The following RGS8 variants were observed in gnomAD, a reference collection of about 807,000 sequenced individuals.
RGS8 encodes regulator of G-protein signaling 8.
A neutral mutation model predicts 21.7 loss-of-function variants in RGS8; 8 were observed. The ratio of observed to expected loss-of-function variants is 0.37; its 90% CI spans 0.22 to 0.66. RGS8 has a LOEUF of 0.66. RGS8 is among the 30% of genes least tolerant of loss of function. RGS8 has a pLI of 0.59. For synonymous variants in RGS8, 80 were observed against 83.6 expected, an observed-to-expected ratio of 0.96 and a Z score of 0.24; for missense variants, 157 against 217.9, an observed-to-expected ratio of 0.72 and a Z score of 1.76.
chr1:182,671,839 C>T, intron 1 of RGS8, 109 bp from the exon 3 acceptor site: 3 of 1,572,414 alleles, frequency 1.9e-6, no homozygotes, highest in Middle Eastern at 4.1e-4. Context: ...CACAGGCATG[C>T]ACAACACACC....
chr1:182,723,248 G>T, the RGS8 span, among the ~76,000 whole-genome samples: 1 of 152,186 alleles, frequency 6.6e-6, no homozygotes, highest in Non-Finnish European at 1.5e-5. Flanking sequence ...GGCTTAGCAG[G>T]ATGGTTCTGG....
rs999616085 is a variant in RGS8 at position 182,669,536 on chromosome 1, T to C, written c.26+88A>G. 16 of 1,597,142 alleles carry C rather than the reference T, an allele frequency of 1.0e-5. No individual in the cohort carries two copies. The Admixed American group carries it at 1.8e-4, about 18-fold the overall frequency. On this transcript the variant is annotated intron_variant, in intron 3 of 6. Transcript: ENST00000483095. ...AGACCACGCATGGGCTCAGAAGGCT[T>C]GGGCCAGACTCAAATAACAGAGGGT... is the stretch of plus-strand genomic sequence containing the variant.
the RGS8 span, among the ~76,000 whole-genome samples, chr1:182,749,297 T>A: frequency 6.6e-6 from 1 of 152,224 alleles, no homozygotes; most frequent in Non-Finnish European, 1.5e-5. Context: ...CTAATTTTTT[T>A]AATTCTCCAT....
chr1:182,689,222 A>ATCTC (rs138588158), upstream of RGS8, among the ~76,000 whole-genome samples: 5 of 145,772 alleles, frequency 3.4e-5, no homozygotes, highest in Admixed American at 2.8e-4. Context: ...CCCTAACAGC[A>ATCTC]TCTCTCTCTC....
At chr1:182,708,868 C>T in the RGS8 span, among the ~76,000 whole-genome samples, 211 of 152,352 alleles carry the variant, frequency 1.4e-3, 1 homozygote, top group African/African-American at 4.6e-3. Flanking sequence ...GCTGGTGCTC[C>T]TAACATCTGG....
chr1:182,720,892 C>CAT, the RGS8 span, among the ~76,000 whole-genome samples: 1 of 69,698 alleles, frequency 1.4e-5, no homozygotes, highest in Non-Finnish European at 3.0e-5. Context: ...TATATATACA[C>CAT]ATATATATAC....
chr1:182,717,847 T>C, the RGS8 span, among the ~76,000 whole-genome samples: 42 of 152,296 alleles, frequency 2.8e-4, no homozygotes, highest in African/African-American at 8.2e-4. Context: ...TAATTAAATA[T>C]GTTGAATGAA....
the RGS8 span, among the ~76,000 whole-genome samples, chr1:182,748,158 A>G: frequency 6.6e-6 from 1 of 152,212 alleles, no homozygotes; most frequent in African/African-American, 2.4e-5. Flanking sequence ...CAAGAATACA[A>G]TATTTCACCA....
At chr1:182,674,546 G>A (rs1571350602), upstream of RGS8, among the ~76,000 whole-genome samples, 1 of 152,120 alleles carries the variant, frequency 6.6e-6, no homozygotes, top group East Asian at 1.9e-4. Flanking sequence ...CAGACGTAGT[G>A]CAGGCCCCGC....
chr1:182,742,732 A>AGAGAGG, the RGS8 span, among the ~76,000 whole-genome samples: 8 of 124,086 alleles, frequency 6.4e-5, no homozygotes, highest in South Asian at 2.5e-4. Flanking sequence ...GACCGTGGAA[A>AGAGAGG]GAGAGGGAGA....
At chr1:182,647,869 T>C (rs1160983498) in intron 6 of RGS8, among the ~76,000 whole-genome samples, 1 of 152,240 alleles carries the variant, frequency 6.6e-6, no homozygotes. Context: ...GTAGCACTTA[T>C]TCTTGCAAAA....
the RGS8 span, among the ~76,000 whole-genome samples, chr1:182,745,160 AATTGGTCTGACCAAAATACAAC>A: frequency 2.4e-4 from 36 of 152,386 alleles, no homozygotes; most frequent in African/African-American, 7.2e-4. Flanking sequence ...CAAGACAGAG[AATTGGTCTGACCAAAATACAAC>A]AAAAATCTCA....
At chr1:182,663,207 T>C (rs1400951611) in intron 5 of RGS8, among the ~76,000 whole-genome samples, 2 of 152,208 alleles carry the variant, frequency 1.3e-5, no homozygotes, top group African/African-American at 4.8e-5. Context: ...AAAAGCTTAA[T>C]CAGCCCTAAT....
At chr1:182,647,454 A>G (rs1375368207) in intron 6 of RGS8, among the ~76,000 whole-genome samples, 1 of 152,252 alleles carries the variant, frequency 6.6e-6, no homozygotes, top group Non-Finnish European at 1.5e-5. Flanking sequence ...CCCAAGTCAA[A>G]GCATAATTGA....
At chr1:182,648,657 C>A (rs566498636) in intron 5 of RGS8, among the ~76,000 whole-genome samples, 145 of 152,296 alleles carry the variant, frequency 9.5e-4, no homozygotes, top group Non-Finnish European at 1.6e-3. Flanking sequence ...ATCGCTTGAA[C>A]CCGGGAGGCA....
chr1:182,657,437 A>AGCATCTCTCAGGGTG, intron 5 of RGS8, among the ~76,000 whole-genome samples: 1 of 152,210 alleles, frequency 6.6e-6, no homozygotes, highest in South Asian at 2.1e-4. Context: ...CGTGTCTCCC[A>AGCATCTCTCAGGGTG]GCATCTCTCA....
At chr1:182,659,301 A>G (rs1425532158) in intron 5 of RGS8, among the ~76,000 whole-genome samples, 1 of 152,258 alleles carries the variant, frequency 6.6e-6, no homozygotes, top group African/African-American at 2.4e-5. Flanking sequence ...AACTATTATA[A>G]GAAATCAGCA....
At chr1:182,738,089 ATAAC>A in the RGS8 span, among the ~76,000 whole-genome samples, 4 of 152,258 alleles carry the variant, frequency 2.6e-5, no homozygotes, top group Non-Finnish European at 5.9e-5. Context: ...ACAGTAACAA[ATAAC>A]TAACAGTTGC....
upstream of RGS8, among the ~76,000 whole-genome samples, chr1:182,686,089 C>A (rs548332703): frequency 1.4e-3 from 218 of 152,162 alleles, no homozygotes; most frequent in African/African-American, 5.1e-3. Context: ...ATGTGGATGT[C>A]GACAAGCAGA....
Sources: allele counts gnomAD v4.1 joint callset (sites outside exome capture counted in the v4.1 genomes callset), GRCh38; gene constraint gnomAD v4.1.1; transcripts MANE v1.5; gene names NCBI Gene and HGNC (gene_info 2026-07-23, HGNC 2026-07-21).